INO80: variants seen among roughly 807,000 people sequenced by gnomAD.
The protein encoded by INO80 is chromatin-remodeling ATPase INO80.
Under a neutral mutation model 203.4 loss-of-function variants are expected in INO80, and 20 were observed. The ratio of observed to expected loss-of-function variants is 0.10; its 90% CI spans 0.07 to 0.14. INO80 has a LOEUF of 0.14. Ranked by LOEUF, INO80 falls within the 10% of genes least tolerant of loss-of-function variation. The pLI, the probability that INO80 is intolerant of heterozygous loss-of-function variation, is 1.00. For missense variants in INO80, 1,419 were observed against 1,914.4 expected (o/e 0.74, Z 4.83); for synonymous variants, 726 against 685.2 (o/e 1.06, Z -0.93).
intron 5 of INO80, among the ~76,000 whole-genome samples, 178 bp from the exon 6 acceptor site, chr15:41,087,860 T>C (rs933208489): frequency 3.3e-5 from 5 of 152,072 alleles, no homozygotes; most frequent in Non-Finnish European, 7.4e-5. Flanking sequence ...TCAAACAAAA[T>C]GAGTTCAACT....
chr15:40,999,347 A>C (rs2043926589), intron 28 of INO80: 1 of 152,230 alleles, frequency 6.6e-6, no homozygotes, highest in Non-Finnish European at 1.5e-5. Flanking sequence ...TGCTATGAAT[A>C]CTGCTGAAGT....
chr15:41,078,334 C>CAGTT (rs1345625201), intron 9 of INO80, among the ~76,000 whole-genome samples: 1 of 152,184 alleles, frequency 6.6e-6, no homozygotes, highest in African/African-American at 2.4e-5. Flanking sequence ...GCATAACCAT[C>CAGTT]AGTTAGCTAT....
Position 41,021,045 on chromosome 15 carries a change from A to G in INO80, c.3129T>C (p.Ser1043=). ...TCAACAAACACTGCTTGGCTGCCAGACTCCCTCCTTCCTTCAGAACTCGCC... is the reference window on the plus strand; with the variant it reads ...TCAACAAACACTGCTTGGCTGCCAGGCTCCCTCCTTCCTTCAGAACTCGCC... ...YERRVLKEGG[S]LAAKQCLLNG... Residue 1043 remains serine (S), a synonymous_variant, in exon 26 of 36, where the codon AGT becomes AGC. Coordinates refer to ENST00000648947, the MANE Select transcript of INO80 (RefSeq NM_017553.3). 1 of 1,613,446 alleles carries G rather than the reference A, an allele frequency of 6.2e-7. No homozygotes were observed. The highest frequency in any genetic ancestry group is 2.2e-5 in the East Asian group (1 of 44,858).
intron 24 of INO80, among the ~76,000 whole-genome samples, chr15:41,028,862 A>C (rs181069865): frequency 3.3e-4 from 50 of 152,334 alleles, no homozygotes; most frequent in African/African-American, 1.2e-3. Flanking sequence ...CCCAAAAAAA[A>C]AAAGTATTTT....
chr15:41,076,458 C>G (rs1040971770), intron 9 of INO80, among the ~76,000 whole-genome samples: 13 of 146,554 alleles, frequency 8.9e-5, no homozygotes, highest in African/African-American at 3.3e-4. Context: ...CATACATGTG[C>G]AAACTTTCTT....
chr15:41,037,764 GAAACCCCAC>G (rs1335099025), intron 24 of INO80, among the ~76,000 whole-genome samples: 1 of 151,840 alleles, frequency 6.6e-6, no homozygotes, highest in African/African-American at 2.4e-5. Context: ...CCCACATGGC[GAAACCCCAC>G]CTCTACTAAA....
chr15:41,003,279 G>T (rs576232179), intron 28 of INO80, among the ~76,000 whole-genome samples: 2 of 150,810 alleles, frequency 1.3e-5, no homozygotes, highest in East Asian at 3.9e-4. Flanking sequence ...AAAGACTAGA[G>T]GATATACCAA....
At chr15:41,034,497 C>T (rs950352651) in intron 24 of INO80, among the ~76,000 whole-genome samples, 5 of 152,152 alleles carry the variant, frequency 3.3e-5, no homozygotes, top group African/African-American at 1.2e-4. Context: ...TTACCTTGAT[C>T]TGATGATAGG....
At chr15:40,982,587 C>A (rs1365342698) in intron 35 of INO80, among the ~76,000 whole-genome samples, 3 of 152,152 alleles carry the variant, frequency 2.0e-5, no homozygotes, top group Non-Finnish European at 4.4e-5. Flanking sequence ...GAAAACAAAT[C>A]CCCAAAGCAA....
chr15:41,059,274 T>G (rs145103595), intron 15 of INO80, among the ~76,000 whole-genome samples: 151 of 151,306 alleles, frequency 1.0e-3, no homozygotes, highest in Middle Eastern at 6.8e-3. Context: ...TATAACTGTT[T>G]TTAAAGCAGT....
chr15:41,072,446 C>T (rs927177079), intron 11 of INO80, among the ~76,000 whole-genome samples: 9 of 151,638 alleles, frequency 5.9e-5, no homozygotes, highest in African/African-American at 2.2e-4. Flanking sequence ...TTGGGCCAGG[C>T]GCAGTGGCTC....
At position 40,982,886 on chromosome 15, in the gene INO80, C is replaced by A; in HGVS notation, c.4429G>T (p.Ala1477Ser). Residue 1477 changes from alanine to serine, a missense_variant, in exon 35 of 36, where the codon GCA becomes TCA. This residue lies in a region of INO80 where 112 missense variants were observed against 106.2 expected (regional missense o/e 1.05). Transcript: ENST00000648947. ...CCTTTAGACACGTTGTACCCGTATG[C>A]GGCATAGGCAGCTGCAGAGGCCGCT... ...AAAASAAAYA[A>S]YGYNVSKGIS... 4 of 1,613,430 alleles carry A rather than the reference C, an allele frequency of 2.5e-6. No homozygotes were observed. The highest frequency in any genetic ancestry group is 3.4e-6 in the Non-Finnish European group (4 of 1,179,936).
chr15:41,111,220 C>G (rs2140715130), intron 1 of INO80, among the ~76,000 whole-genome samples: 1 of 152,128 alleles, frequency 6.6e-6, no homozygotes, highest in African/African-American at 2.4e-5. Context: ...TAGAGGCAGG[C>G]AAATCACCTG....
At chr15:41,034,923 C>T (rs978677411) in intron 24 of INO80, among the ~76,000 whole-genome samples, 4 of 151,976 alleles carry the variant, frequency 2.6e-5, no homozygotes, top group Non-Finnish European at 5.9e-5. Flanking sequence ...ATAATCAGAA[C>T]TAATGTGGCA....
chr15:41,107,763 G>A (rs1420556847), intron 1 of INO80, among the ~76,000 whole-genome samples: 3 of 151,988 alleles, frequency 2.0e-5, no homozygotes. Context: ...CCATGCCACT[G>A]CACTTCAGCC....
rs1446059580 is a variant in INO80 at position 41,073,455 on chromosome 15, T to C, written c.1368A>G (p.Glu456=). 1 of 1,614,170 alleles carries C rather than the reference T, an allele frequency of 6.2e-7. No individual in the cohort carries two copies. Residue 456 remains glutamate (E), a synonymous_variant, in exon 11 of 36, where the codon GAA becomes GAG. Transcript: ENST00000648947. ...HFKAQALKNA[E]NAYHIHQART... ...GAGCTTGGTGAATATGGTAAGCATTTTCAGCATTCTTCAGGGCCTGGGCTT... is the reference window on the plus strand; with the variant it reads ...GAGCTTGGTGAATATGGTAAGCATTCTCAGCATTCTTCAGGGCCTGGGCTT...
chr15:41,086,322 G>A (rs1429347991), intron 6 of INO80, among the ~76,000 whole-genome samples: 1 of 151,968 alleles, frequency 6.6e-6, no homozygotes, highest in Non-Finnish European at 1.5e-5. Context: ...AATAGAGAAA[G>A]AAGGGAAGGC....
At chr15:41,044,499 C>T (rs1272420743) in intron 24 of INO80, among the ~76,000 whole-genome samples, 2 of 152,022 alleles carry the variant, frequency 1.3e-5, no homozygotes, top group Non-Finnish European at 2.9e-5. Context: ...AAATAATCTA[C>T]GGTGACAGAA....
intron 8 of INO80, 104 bp downstream of exon 8, chr15:41,080,916 A>G: frequency 1.3e-6 from 1 of 744,750 alleles, no homozygotes; most frequent in East Asian, 2.5e-5. Flanking sequence ...TATTAGATTC[A>G]TGATCAACAG....
Sources: gnomAD v4.1 joint callset for allele counts (sites outside exome capture counted in the v4.1 genomes callset) on GRCh38, gnomAD v4.1.1 for gene constraint, gnomAD v4.1.1 regional missense constraint, MANE v1.5 for transcripts, NCBI Gene and HGNC (gene_info 2026-07-23, HGNC 2026-07-21) for gene names.